The following TUT7 variants were observed in gnomAD, a reference collection of about 807,000 sequenced individuals.
TUT7 encodes terminal uridylyl transferase 7.
Under a neutral mutation model 165.9 loss-of-function variants are expected in TUT7, and 33 were observed. The observed-to-expected ratio is 0.20, with a 90% CI of 0.15 to 0.27. The LOEUF (loss-of-function observed/expected upper bound fraction) is 0.27, where lower values mean the gene tolerates loss of function less well. Among genes scored for constraint, TUT7 ranks in the 10% least tolerant of loss-of-function variants. The pLI, the probability that TUT7 is intolerant of heterozygous loss-of-function variation, is 1.00. For synonymous variants in TUT7, 552 were observed against 608.1 expected, an observed-to-expected ratio of 0.91 and a Z score of 1.36; for missense variants, 1,338 against 1,762.3, an observed-to-expected ratio of 0.76 and a Z score of 4.31.
chr9:86,329,915 G>A (rs959627676), intron 10 of TUT7, among the ~76,000 whole-genome samples: 8 of 151,970 alleles, frequency 5.3e-5, no homozygotes, highest in Non-Finnish European at 1.2e-4. Context: ...TTTCTCTAAG[G>A]AGCTCCACAT....
intron 2 of TUT7, among the ~76,000 whole-genome samples, chr9:86,346,935 A>G (rs1201044982): frequency 6.6e-6 from 1 of 152,204 alleles, no homozygotes; most frequent in Non-Finnish European, 1.5e-5. Flanking sequence ...CATCTTCTAT[A>G]AGTGAACAAT....
chr9:86,320,816 G>A (rs1381132896), intron 14 of TUT7, among the ~76,000 whole-genome samples: 1 of 152,066 alleles, frequency 6.6e-6, no homozygotes, highest in African/African-American at 2.4e-5. Context: ...ATTATGAACT[G>A]AGACTCTTCA....
chr9:86,289,105 C>T (rs896556150), intron 26 of TUT7, among the ~76,000 whole-genome samples: 2 of 152,152 alleles, frequency 1.3e-5, no homozygotes, highest in East Asian at 3.8e-4. Context: ...AAAGAATTAT[C>T]TGGCCAGAAA....
Position 86,301,351 on chromosome 9 carries a change from T to C in TUT7, c.4345A>G (p.Arg1449Gly). 1 of 1,614,198 alleles carries C rather than the reference T, an allele frequency of 6.2e-7. No homozygotes were observed. Among genetic ancestry groups the C allele is most frequent in the African/African-American group, 1.3e-5 (1 of 75,050 alleles). Reference sequence around the variant, plus strand: ...CCACAAATAAAACAACGTTTTTCTCTTAAGTCTTTGTCATCCTGTCTCTTC... The same window carrying C: ...CCACAAATAAAACAACGTTTTTCTCCTAAGTCTTTGTCATCCTGTCTCTTC... ...KWKRQDDKDL[R>G]EKRCFICGRE... The change falls in exon 26 of 27, where the codon AGA becomes GGA. Residue 1449 changes from arginine to glycine, a missense_variant. Transcript: ENST00000375963.
At chr9:86,291,810 C>T (rs1004332849) in intron 26 of TUT7, among the ~76,000 whole-genome samples, 3 of 152,180 alleles carry the variant, frequency 2.0e-5, no homozygotes, top group African/African-American at 7.2e-5. Flanking sequence ...CTAAAATGCA[C>T]ATAAGCTATG....
rs1564045711 is a variant in TUT7 at position 86,311,619 on chromosome 9, T to TCCC, written c.3275-813_3275-811dup. Among the ~76,000 whole-genome samples, 1 of 147,092 alleles carries TCCC rather than the reference T, an allele frequency of 6.8e-6. No individual in the cohort carries two copies. Among genetic ancestry groups the TCCC allele is most frequent in the African/African-American group, 2.5e-5 (1 of 39,746 alleles). ...CTCCCCTCTCCCCACGGTCTCCCTC[T>TCCC]CCCTCTCTTTCCACGGTCTCCCTCT... On this transcript the variant is annotated intron_variant, in intron 17 of 26. Transcript: ENST00000375963. The surrounding 1 kb of genome is among the most constrained non-coding windows in gnomAD (Gnocchi z 4.4).
chr9:86,334,236 T>C (rs191219473), intron 10 of TUT7, among the ~76,000 whole-genome samples: 101 of 152,292 alleles, frequency 6.6e-4, no homozygotes, highest in African/African-American at 2.3e-3. Flanking sequence ...AATTAAAGAA[T>C]GCTCTGGGCA....
chr9:86,316,906 A>G (rs888414664), intron 17 of TUT7, among the ~76,000 whole-genome samples: 27 of 152,024 alleles, frequency 1.8e-4, no homozygotes, highest in African/African-American at 6.5e-4. Context: ...CTAACGATAC[A>G]ACAATAAAAA....
At chr9:86,335,929 G>T (rs1266252297) in intron 10 of TUT7, among the ~76,000 whole-genome samples, 3 of 152,136 alleles carry the variant, frequency 2.0e-5, no homozygotes, top group Non-Finnish European at 4.4e-5. Context: ...TATCACTTTA[G>T]AGAGTTTCCG....
chr9:86,327,673 A>C (rs142918168), intron 11 of TUT7, among the ~76,000 whole-genome samples: 1,860 of 152,318 alleles, frequency 0.012, 21 homozygotes, highest in Non-Finnish European at 0.02. Flanking sequence ...TAGAAAACAC[A>C]ACTGGAAAAT....
At chr9:86,338,361 G>T (rs1831017968) in intron 9 of TUT7, among the ~76,000 whole-genome samples, 1 of 151,786 alleles carries the variant, frequency 6.6e-6, no homozygotes, top group African/African-American at 2.4e-5. Flanking sequence ...ACATTTTGGG[G>T]GAACGTTAAA....
intron 16 of TUT7, among the ~76,000 whole-genome samples, chr9:86,318,661 A>C (rs1230250388): frequency 6.6e-6 from 1 of 152,184 alleles, no homozygotes; most frequent in African/African-American, 2.4e-5. Flanking sequence ...GTGTGATCCA[A>C]GTCAGCATAG....
At chr9:86,338,295 T>C (rs1234873517) in intron 9 of TUT7, among the ~76,000 whole-genome samples, 1 of 150,626 alleles carries the variant, frequency 6.6e-6, no homozygotes, top group African/African-American at 2.4e-5. Flanking sequence ...TACTGCAACC[T>C]GTACCTCCCA....
chr9:86,346,586 C>T, intron 2 of TUT7, 106 bp from the exon 3 acceptor site: 5 of 1,153,120 alleles, frequency 4.3e-6, no homozygotes, highest in Non-Finnish European at 6.2e-6. Context: ...TAAATCACAT[C>T]TGCATGCAGA....
rs751608191 is a variant in TUT7 at position 86,345,718 on chromosome 9, G to A, written c.770C>T (p.Ala257Val). Reference sequence around the variant, plus strand: ...TTCCTTGATATGCTTATGGGCAAATGCAATGGATTCAATTAAAACATCACA... The same window carrying A: ...TTCCTTGATATGCTTATGGGCAAATACAATGGATTCAATTAAAACATCACA... ...RLCDVLIESI[A>V]FAHKHIKEKR... The change falls in exon 4 of 27, where the codon GCA (alanine) becomes GTA (valine). Residue 257 changes from alanine to valine, a missense_variant. This residue lies in a region of TUT7 where 434 missense variants were observed against 480.8 expected (regional missense o/e 0.90). Coordinates refer to ENST00000375963, the MANE Select transcript of TUT7 (RefSeq NM_024617.4). The A allele has an allele frequency of 6.8e-6, 11 of 1,613,774 alleles. No individual in the cohort carries two copies. The South Asian group carries it at 1.2e-4, about 18-fold the overall frequency.
chr9:86,310,036 C>T lies in TUT7; in HGVS notation c.3379-19G>A, dbSNP rs549714807. On this transcript the variant is annotated intron_variant, in intron 18 of 26. Coordinates refer to ENST00000375963, the MANE Select transcript of TUT7 (RefSeq NM_024617.4). The stretch of plus-strand genomic sequence containing the variant: ...GAAGGGCCTGTTAAAAGGAAAATAA[C>T]ACTATAAGACTAACAATGAAGTGTA... 7.0e-6 allele frequency: 11 copies of T among 1,580,352 alleles called. No individual in the cohort carries two copies. The South Asian group carries it at 7.8e-5, about 11-fold the overall frequency.
intron 26 of TUT7, among the ~76,000 whole-genome samples, chr9:86,299,108 G>A (rs1372343208): frequency 6.6e-6 from 1 of 152,174 alleles, no homozygotes; most frequent in Admixed American, 6.5e-5. Context: ...CACAGCGCAA[G>A]GACATGGTGC....
chr9:86,307,030 G>A (rs1022397710), intron 22 of TUT7, among the ~76,000 whole-genome samples: 1 of 152,164 alleles, frequency 6.6e-6, no homozygotes, highest in Non-Finnish European at 1.5e-5. Context: ...AGCACTTTGG[G>A]AGGCTGAAGT....
intron 24 of TUT7, 29 bp from the exon 25 acceptor site, chr9:86,303,230 G>A (rs760446473): frequency 7.8e-7 from 1 of 1,288,870 alleles, no homozygotes; most frequent in Admixed American, 2.0e-5. Context: ...ATAAAAGCCT[G>A]AACTATTCAC....
Sources: gnomAD v4.1 joint callset for allele counts (sites outside exome capture counted in the v4.1 genomes callset) on GRCh38, gnomAD v4.1.1 for gene constraint, gnomAD v4.1.1 regional missense constraint, Gnocchi (gnomAD v3.1) non-coding constraint, MANE v1.5 for transcripts, NCBI Gene and HGNC (gene_info 2026-07-23, HGNC 2026-07-21) for gene names.